Variants in SMAD3 observed in about 807,000 individuals in gnomAD.
The protein encoded by SMAD3 is MAD homolog 3.
In SMAD3, 12 loss-of-function variants were observed where a neutral mutation model predicts 51.8. The ratio of observed to expected loss-of-function variants is 0.23; its 90% CI spans 0.15 to 0.38. The LOEUF is 0.38. Ranked by LOEUF, SMAD3 falls within the 10% of genes least tolerant of loss-of-function variation. The probability of loss-of-function intolerance (pLI) is 1.00; values close to 1 mark genes in which losing one functional copy is unlikely to be tolerated. For missense variants in SMAD3, 294 were observed against 565.6 expected, an observed-to-expected ratio of 0.52 and a Z score of 4.87; for synonymous variants, 238 against 227.7, an observed-to-expected ratio of 1.05 and a Z score of -0.41.
chr15:67,164,789 A>G, intron 1 of SMAD3, 106 bp from the exon 2 acceptor site: 6 of 1,153,308 alleles, frequency 5.2e-6, no homozygotes. Flanking sequence ...GGGAGAAATG[A>G]GGGGAGAGAG....
chr15:67,073,285 C>A (rs1960096605), intron 1 of SMAD3, among the ~76,000 whole-genome samples: 1 of 152,174 alleles, frequency 6.6e-6, no homozygotes, highest in African/African-American at 2.4e-5. Flanking sequence ...TTATCTAAGA[C>A]CCTTCCTATA....
intron 5 of SMAD3, among the ~76,000 whole-genome samples, chr15:67,175,527 A>G (rs1962867305): frequency 6.6e-6 from 1 of 152,170 alleles, no homozygotes; most frequent in African/African-American, 2.4e-5. Flanking sequence ...ACGCTTCCTC[A>G]GGCACCTTGC....
In SMAD3 at chr15:67,192,718, T is replaced by C. The variant is rs556660083; in HGVS notation, c.*2182T>C. On this transcript the variant is annotated 3_prime_UTR_variant, in exon 9 of 9. Coordinates refer to ENST00000327367, the MANE Select transcript of SMAD3 (RefSeq NM_005902.4). Reference sequence around the variant, plus strand: ...AGCTTCAGGCACAGCCTGATTCTGGTGATCCAGTGATCTATGGAAGTCGTG... The same window carrying C: ...AGCTTCAGGCACAGCCTGATTCTGGCGATCCAGTGATCTATGGAAGTCGTG... 4.3e-6 allele frequency: 1 copy of C among 233,204 alleles called. No individual in the cohort carries two copies. Among genetic ancestry groups the C allele is most frequent in the East Asian group, 6.0e-5 (1 of 16,706 alleles). The allele number at this position is 233,204 out of a possible 1,614,324, so 14.4% of individuals were successfully genotyped here.
intron 1 of SMAD3, among the ~76,000 whole-genome samples, chr15:67,106,625 G>C (rs948428845): frequency 6.6e-6 from 1 of 152,038 alleles, no homozygotes; most frequent in African/African-American, 2.4e-5. Context: ...CTATGCTCAG[G>C]ACCCAGATCA....
intron 1 of SMAD3, among the ~76,000 whole-genome samples, chr15:67,143,685 C>T (rs549454085): frequency 3.1e-4 from 47 of 152,346 alleles, no homozygotes; most frequent in African/African-American, 1.0e-3. Flanking sequence ...CCACCCACCT[C>T]GACCTCCCAA....
intron 1 of SMAD3, among the ~76,000 whole-genome samples, chr15:67,119,577 G>A (rs1381376151): frequency 2.0e-5 from 3 of 152,160 alleles, no homozygotes; most frequent in African/African-American, 7.2e-5. Flanking sequence ...CAGATGGATG[G>A]AACCCTGGCT....
chr15:67,140,772 AGCTTAG>A (rs1330621713), intron 1 of SMAD3, among the ~76,000 whole-genome samples: 1 of 152,194 alleles, frequency 6.6e-6, no homozygotes, highest in African/African-American at 2.4e-5. Flanking sequence ...CCCCTTTGGA[AGCTTAG>A]GCTAGGGTTG....
chr15:67,114,328 A>G (rs1277964322), intron 1 of SMAD3, among the ~76,000 whole-genome samples: 3 of 152,124 alleles, frequency 2.0e-5, no homozygotes, highest in Non-Finnish European at 2.9e-5. Flanking sequence ...TTCTCATGGA[A>G]TTGGGCCCCT....
At chr15:67,176,081 G>C (rs1962885972) in intron 5 of SMAD3, among the ~76,000 whole-genome samples, 1 of 152,212 alleles carries the variant, frequency 6.6e-6, no homozygotes, top group Non-Finnish European at 1.5e-5. Context: ...TCTCTGTGCA[G>C]CTTGGTTTGG....
In SMAD3 at chr15:67,167,471, C is replaced by T. The variant is rs531226493; in HGVS notation, c.607+618C>T. Among the ~76,000 whole-genome samples the T allele has an allele frequency of 4.7e-4, 72 of 152,254 alleles. No homozygotes were observed. The South Asian group carries it at 6.8e-3, about 14-fold the overall frequency. On this transcript the variant is annotated intron_variant, in intron 4 of 8. Coordinates refer to ENST00000327367, the MANE Select transcript of SMAD3 (RefSeq NM_005902.4). ...GCATTTAGTCAGGGCTGATGGGAACCGCTGCAGGCTGTAAGCAGGGCCTGT... is the reference window on the plus strand; with the variant it reads ...GCATTTAGTCAGGGCTGATGGGAACTGCTGCAGGCTGTAAGCAGGGCCTGT...
chr15:67,150,539 G>A (rs1487333031), intron 1 of SMAD3, among the ~76,000 whole-genome samples: 1 of 152,194 alleles, frequency 6.6e-6, no homozygotes, highest in African/African-American at 2.4e-5. Flanking sequence ...CCCACAGGAA[G>A]TGATTCATGG....
At chr15:67,084,985 T>C (rs1253334370) in intron 1 of SMAD3, among the ~76,000 whole-genome samples, 2 of 152,214 alleles carry the variant, frequency 1.3e-5, no homozygotes, top group African/African-American at 4.8e-5. Flanking sequence ...GACTCTGTGC[T>C]AATGGCTTTT....
At chr15:67,184,940 C>T (rs1190386731) in intron 7 of SMAD3, 76 bp downstream of exon 7, 35 of 1,555,778 alleles carry the variant, frequency 2.2e-5, no homozygotes, top group Non-Finnish European at 3.1e-5. Context: ...AGAGAGTCCA[C>T]CTTTCTCACC....
At chr15:67,176,589 G>A (rs918320274) in intron 5 of SMAD3, among the ~76,000 whole-genome samples, 1 of 152,262 alleles carries the variant, frequency 6.6e-6, no homozygotes, top group Admixed American at 6.5e-5. Context: ...GTTTTTAATA[G>A]GCATCCCTTA....
At chr15:67,122,617 G>A (rs1295952042) in intron 1 of SMAD3, among the ~76,000 whole-genome samples, 1 of 152,178 alleles carries the variant, frequency 6.6e-6, no homozygotes, top group Non-Finnish European at 1.5e-5. Context: ...AGCTGAGCTG[G>A]CTCTTAAACT....
chr15:67,110,813 C>A (rs549804770), intron 1 of SMAD3, among the ~76,000 whole-genome samples: 67 of 152,316 alleles, frequency 4.4e-4, no homozygotes, highest in African/African-American at 1.6e-3. Flanking sequence ...CGTAGATACA[C>A]AGAAAAACTG....
At chr15:67,102,830 C>A (rs1248881767) in intron 1 of SMAD3, among the ~76,000 whole-genome samples, 4 of 152,050 alleles carry the variant, frequency 2.6e-5, no homozygotes, top group African/African-American at 9.7e-5. Context: ...TCTGTGCAGC[C>A]CCTCTGCTCC....
At chr15:67,186,212 TGCTCTTCTGCTTCTTG>T (rs1963219002) in intron 7 of SMAD3, among the ~76,000 whole-genome samples, 1 of 152,228 alleles carries the variant, frequency 6.6e-6, no homozygotes, top group Admixed American at 6.5e-5. Context: ...TCAAGTTTGG[TGCTCTTCTGCTTCTTG>T]GCTCTGCTGG....
At position 67,190,620 on chromosome 15, in the gene SMAD3, A is replaced by G; in HGVS notation, c.*84A>G. The G allele has an allele frequency of 2.1e-6, 3 of 1,417,700 alleles. No homozygotes were observed. Among genetic ancestry groups the G allele is most frequent in the South Asian group, 2.3e-5 (2 of 85,238 alleles). 87.8% of individuals were successfully genotyped at this position (1,417,700 alleles called of 1,614,324 possible). ...AGAAAATTGGAACTCTACTCAACCC[A>G]TTGTTGTCAAGGAAGAAGAAATCTT... On this transcript the variant is annotated 3_prime_UTR_variant, in exon 9 of 9. Coordinates refer to ENST00000327367, the MANE Select transcript of SMAD3 (RefSeq NM_005902.4).
Sources: gnomAD v4.1 joint callset for allele counts (sites outside exome capture counted in the v4.1 genomes callset) on GRCh38, gnomAD v4.1.1 for gene constraint, MANE v1.5 for transcripts, NCBI Gene and HGNC (gene_info 2026-07-23, HGNC 2026-07-21) for gene names.